The following EPHB1 variants were observed in gnomAD, a reference collection of about 807,000 sequenced individuals.
The protein encoded by EPHB1 is EPH receptor B1.
EPHB1 carries 30 observed loss-of-function variants against 94.4 expected under a neutral mutation model. The observed-to-expected ratio is 0.32, with a 90% CI of 0.24 to 0.43. EPHB1 has a LOEUF of 0.43. Among genes scored for constraint, EPHB1 ranks in the 20% least tolerant of loss-of-function variants. The pLI, the probability that EPHB1 is intolerant of heterozygous loss-of-function variation, is 1.00. For synonymous variants in EPHB1, 522 were observed against 489.1 expected (o/e 1.07, Z -0.89); for missense variants, 1,055 against 1,308.3 (o/e 0.81, Z 2.99).
intron 2 of EPHB1, among the ~76,000 whole-genome samples, chr3:134,944,667 G>A (rs540154642): frequency 6.6e-6 from 1 of 152,254 alleles, no homozygotes; most frequent in East Asian, 1.9e-4. Flanking sequence ...ATTGTCCAAA[G>A]GCCAGTGGTC....
chr3:135,140,375 A>G (rs755112531), intron 5 of EPHB1, among the ~76,000 whole-genome samples: 9 of 152,196 alleles, frequency 5.9e-5, no homozygotes, highest in Non-Finnish European at 1.5e-5. Context: ...CCTGTTGACT[A>G]TTGTGTCCAG....
chr3:134,837,084 A>G (rs2036685270), intron 1 of EPHB1, among the ~76,000 whole-genome samples: 1 of 152,222 alleles, frequency 6.6e-6, no homozygotes. Context: ...TAAAAGGATG[A>G]TAGCTAGTCA....
chr3:135,042,851 A>T (rs987203812), intron 3 of EPHB1, among the ~76,000 whole-genome samples: 14 of 150,746 alleles, frequency 9.3e-5, no homozygotes, highest in South Asian at 2.1e-4. Flanking sequence ...TTTATTTTTT[A>T]TTTTTTTTGA....
intron 3 of EPHB1, among the ~76,000 whole-genome samples, chr3:134,978,566 T>C (rs2107732270): frequency 6.6e-6 from 1 of 152,286 alleles, no homozygotes; most frequent in South Asian, 2.1e-4. Context: ...TCTTTCCTCT[T>C]CCTGGATTTC....
chr3:134,993,444 A>G (rs1934885300), intron 3 of EPHB1, among the ~76,000 whole-genome samples: 1 of 152,226 alleles, frequency 6.6e-6, no homozygotes, highest in African/African-American at 2.4e-5. Flanking sequence ...AACTGGAACA[A>G]GATCAGCTTG....
At chr3:135,229,074 G>A (rs1943470020) in intron 12 of EPHB1, among the ~76,000 whole-genome samples, 1 of 152,166 alleles carries the variant, frequency 6.6e-6, no homozygotes, top group Non-Finnish European at 1.5e-5. Flanking sequence ...TACACAGGAA[G>A]GAGCTGCCCT....
At chr3:135,111,419 T>A (rs1444543284) in intron 4 of EPHB1, among the ~76,000 whole-genome samples, 1 of 152,190 alleles carries the variant, frequency 6.6e-6, no homozygotes, top group Admixed American at 6.5e-5. Context: ...CTTTGCTTTA[T>A]GACTTCTGAG....
intron 1 of EPHB1, among the ~76,000 whole-genome samples, chr3:134,859,450 T>A (rs894422874): frequency 1.3e-5 from 2 of 152,178 alleles, no homozygotes; most frequent in Admixed American, 1.3e-4. Context: ...GTGTAGCAGA[T>A]CTGGGTCCTG....
intron 1 of EPHB1, among the ~76,000 whole-genome samples, chr3:134,893,128 AAT>A (rs1469976775): frequency 8.5e-5 from 13 of 152,126 alleles, no homozygotes; most frequent in African/African-American, 2.9e-4. Context: ...ACCTCCCTGT[AAT>A]ATGGCCCTGG....
At chr3:134,894,073 C>A (rs2038040776) in intron 1 of EPHB1, among the ~76,000 whole-genome samples, 1 of 152,202 alleles carries the variant, frequency 6.6e-6, no homozygotes, top group Non-Finnish European at 1.5e-5. Flanking sequence ...CCCCACTTAC[C>A]AAGCTGAGCC....
chr3:135,025,121 C>T (rs1936109017), intron 3 of EPHB1, among the ~76,000 whole-genome samples: 1 of 116,310 alleles, frequency 8.6e-6, no homozygotes, highest in African/African-American at 3.2e-5. Context: ...CTCCCTCCCC[C>T]CTTCCTTCCT....
Position 134,795,461 on chromosome 3 carries a change from G to GCACACACTCCTGCCCACGCC in EPHB1, c.-167_-148dup. ...CACGCGCGCCCGCACCGCCCCACGCGCACACACTCCTGCCCACGCCCACGC... is the reference window on the plus strand; with the variant it reads ...CACGCGCGCCCGCACCGCCCCACGCGCACACACTCCTGCCCACGCCCACACACTCCTGCCCACGCCCACGC... On this transcript the variant is annotated 5_prime_UTR_variant, in exon 1 of 16. Coordinates refer to ENST00000398015, the MANE Select transcript of EPHB1 (RefSeq NM_004441.5). 1 of 608,346 alleles carries GCACACACTCCTGCCCACGCC rather than the reference G, an allele frequency of 1.6e-6. No individual in the cohort carries two copies. Among genetic ancestry groups the GCACACACTCCTGCCCACGCC allele is most frequent in the Non-Finnish European group, 2.8e-6 (1 of 361,414 alleles). The allele number at this position is 608,346 out of a possible 1,614,324, so 37.7% of individuals were successfully genotyped here.
At chr3:134,884,106 C>T (rs2037815239) in intron 1 of EPHB1, among the ~76,000 whole-genome samples, 1 of 152,212 alleles carries the variant, frequency 6.6e-6, no homozygotes, top group Non-Finnish European at 1.5e-5. Flanking sequence ...TTCTGGCCTC[C>T]ATCCCTCAGC....
intron 4 of EPHB1, among the ~76,000 whole-genome samples, chr3:135,118,277 C>T (rs1000953805): frequency 1.3e-5 from 2 of 152,196 alleles, no homozygotes; most frequent in African/African-American, 4.8e-5. Context: ...TGCCATGGTG[C>T]TCCACTACTC....
chr3:134,831,815 G>C (rs567950139), intron 1 of EPHB1, among the ~76,000 whole-genome samples: 51 of 152,304 alleles, frequency 3.3e-4, no homozygotes, highest in African/African-American at 1.2e-3. Flanking sequence ...TTCTCAAAGA[G>C]GAGATTCTAT....
intron 3 of EPHB1, among the ~76,000 whole-genome samples, chr3:135,018,201 A>G (rs1559796633): frequency 6.6e-6 from 1 of 152,116 alleles, no homozygotes; most frequent in Non-Finnish European, 1.5e-5. Context: ...TGATCATCCC[A>G]TCTTCCCCAT....
chr3:135,031,084 G>A (rs4247688), intron 3 of EPHB1, among the ~76,000 whole-genome samples: 37,878 of 152,000 alleles, frequency 0.25, 6,344 homozygotes, highest in East Asian at 0.71. Context: ...GCTTTGGCTC[G>A]TGCACGGTGC....
At chr3:134,932,392 C>T (rs1013676984) in intron 2 of EPHB1, among the ~76,000 whole-genome samples, 5 of 152,180 alleles carry the variant, frequency 3.3e-5, no homozygotes, top group Non-Finnish European at 7.3e-5. Flanking sequence ...GGAAAGCACA[C>T]TCAGGAGAGA....
At chr3:134,953,291 C>T (rs1352998335) in intron 3 of EPHB1, among the ~76,000 whole-genome samples, 5 of 152,362 alleles carry the variant, frequency 3.3e-5, no homozygotes. Context: ...CAGCTAATTG[C>T]CTGGGCCAGA....
Sources: allele counts gnomAD v4.1 joint callset (sites outside exome capture counted in the v4.1 genomes callset), GRCh38; gene constraint gnomAD v4.1.1; transcripts MANE v1.5; gene names NCBI Gene and HGNC (gene_info 2026-07-23, HGNC 2026-07-21).